Variants in ALS2CL observed in about 807,000 individuals in gnomAD.
ALS2CL encodes ALS2 C-terminal-like protein.
In ALS2CL, 112 loss-of-function variants were observed where a neutral mutation model predicts 127.9. That is an observed-to-expected ratio of 0.88 (90% confidence interval 0.75 to 1.02). The LOEUF (loss-of-function observed/expected upper bound fraction) is 1.02. Ranked by LOEUF, ALS2CL falls within the 50% of genes least tolerant of loss-of-function variation. The pLI is 0.00. For missense variants in ALS2CL, 1,174 were observed against 1,236.7 expected, an observed-to-expected ratio of 0.95 and a Z score of 0.76; for synonymous variants, 519 against 527.6, an observed-to-expected ratio of 0.98 and a Z score of 0.22.
At position 46,670,776 on chromosome 3, in the gene ALS2CL, A is replaced by G. The variant is rs1698320653; in HGVS notation, c.*208T>C. 3.7e-6 allele frequency: 2 copies of G among 547,868 alleles called. No individual in the cohort carries two copies. Among genetic ancestry groups the G allele is most frequent in the Admixed American group, 3.1e-5 (1 of 32,644 alleles). 33.9% of individuals were successfully genotyped at this position (547,868 alleles called of 1,614,324 possible). ...GGTCATTGAAGATGGGCTAGTGGCC[A>G]AGGGAAAACCACCACATCCAGGGCC... On this transcript the variant is annotated 3_prime_UTR_variant, in exon 26 of 26. Coordinates refer to ENST00000318962, the MANE Select transcript of ALS2CL (RefSeq NM_147129.5). This position sits in a 1 kb window ranked among gnomAD's most constrained non-coding sequence, Gnocchi z 5.5.
intron 19 of ALS2CL, chr3:46,675,958 G>C (rs1048748702): frequency 7.0e-7 from 1 of 1,422,450 alleles, no homozygotes; most frequent in African/African-American, 1.4e-5. Flanking sequence ...TGTGTTCCGA[G>C]TCCAGGGCCA....
chr3:46,677,321 G>A lies in ALS2CL; in HGVS notation c.1758-299C>T, dbSNP rs1338132385. 9.7e-6 allele frequency: 12 copies of A among 1,237,474 alleles called. 1 individual carries two copies. The highest frequency in any genetic ancestry group is 8.2e-5 in the Admixed American group (2 of 24,348). 76.7% of individuals were successfully genotyped at this position (1,237,474 alleles called of 1,614,324 possible). On this transcript the variant is annotated intron_variant, in intron 16 of 25. Coordinates refer to ENST00000318962, the MANE Select transcript of ALS2CL (RefSeq NM_147129.5). ...ATCTGGAGGCCAAGCCAGAGAGGGG[G>A]TCTTGGTCCAAGAGAGACCAGTGTC...
At chr3:46,680,173 T>C in intron 14 of ALS2CL, 1 of 490,328 alleles carries the variant, frequency 2.0e-6, no homozygotes, top group Middle Eastern at 5.5e-4. Flanking sequence ...CCATTCTTGT[T>C]AGTTCATTGA....
At chr3:46,678,716 C>T (rs1214595069) in intron 15 of ALS2CL, among the ~76,000 whole-genome samples, 2 of 152,250 alleles carry the variant, frequency 1.3e-5, no homozygotes, top group East Asian at 1.9e-4. Context: ...GGACAGGCAA[C>T]GCCTGAGGAG....
intron 1 of ALS2CL, among the ~76,000 whole-genome samples, chr3:46,691,413 C>T (rs1700144671): frequency 6.6e-6 from 1 of 152,062 alleles, no homozygotes; most frequent in Non-Finnish European, 1.5e-5. Context: ...GCTAGGAAGA[C>T]TTGAACACCA....
chr3:46,674,781 G>A (rs1698679319), intron 20 of ALS2CL, 42 bp from the exon 21 acceptor site: 1 of 1,527,324 alleles, frequency 6.5e-7, no homozygotes, highest in Admixed American at 2.2e-5. Context: ...GCAAGGTGGG[G>A]TCTGGGATTA....
chr3:46,676,094 T>C, intron 19 of ALS2CL, 151 bp downstream of exon 19: 28 of 1,382,676 alleles, frequency 2.0e-5, no homozygotes, highest in Non-Finnish European at 2.7e-5. Flanking sequence ...CCTCTAACCC[T>C]TTTGCTCAGC....
intron 6 of ALS2CL, 93 bp from the exon 7 acceptor site, chr3:46,685,737 T>C (rs1472298484): frequency 4.0e-6 from 6 of 1,497,888 alleles, no homozygotes; most frequent in Non-Finnish European, 5.4e-6. Context: ...CCCAGACACC[T>C]CCCAGAGGCC....
intron 16 of ALS2CL, 136 bp from the exon 17 acceptor site, chr3:46,677,158 G>A: frequency 6.9e-7 from 1 of 1,457,286 alleles, no homozygotes; most frequent in Non-Finnish European, 9.0e-7. Flanking sequence ...TGGATGGATT[G>A]AACCATGCAG....
intron 10 of ALS2CL, 81 bp downstream of exon 10, chr3:46,683,049 A>T: frequency 7.3e-7 from 1 of 1,376,018 alleles, no homozygotes; most frequent in Non-Finnish European, 9.7e-7. Flanking sequence ...ATGTCCTGAG[A>T]CAATTAGGCT....
chr3:46,680,377 C>G (rs985596149), intron 14 of ALS2CL, 53 bp downstream of exon 14: 6 of 1,558,436 alleles, frequency 3.9e-6, no homozygotes, highest in East Asian at 2.3e-5. Context: ...CTCAGTGCCC[C>G]CAGCGGGAGT....
chr3:46,673,731 GGGGAAGCGACACTGAGGTGGTGA>G (rs1225762430), intron 21 of ALS2CL, among the ~76,000 whole-genome samples: 35 of 152,308 alleles, frequency 2.3e-4, no homozygotes, highest in African/African-American at 8.2e-4. Context: ...AGGCTGGTGT[GGGGAAGCGACACTGAGGTGGTGA>G]GGGAGGCGGG....
chr3:46,671,119 T>G, intron 25 of ALS2CL, 55 bp from the exon 26 acceptor site: 2 of 1,546,404 alleles, frequency 1.3e-6, no homozygotes. Flanking sequence ...CCCAACCACA[T>G]GCACAGGATC....
rs1698294988 is a variant in ALS2CL at position 46,670,384 on chromosome 3, CACT to C, written c.*597_*599del. On this transcript the variant is annotated 3_prime_UTR_variant, in exon 26 of 26. Coordinates refer to ENST00000318962, the MANE Select transcript of ALS2CL (RefSeq NM_147129.5). The surrounding 1 kb of genome is among the most constrained non-coding windows in gnomAD (Gnocchi z 5.5). ...CATCACAGGAGAATGATTTACAAGC[CACT>C]TGGGGCCTGCTGGCAGTGAGGGTTT... is the stretch of plus-strand genomic sequence containing the variant. 6.5e-6 allele frequency: 1 copy of C among 153,596 alleles called. No individual in the cohort carries two copies. Among genetic ancestry groups the C allele is most frequent in the South Asian group, 2.0e-4 (1 of 4,888 alleles). The allele number at this position is 153,596 out of a possible 1,614,324, so 9.5% of individuals were successfully genotyped here.
At chr3:46,687,979 T>C in intron 3 of ALS2CL, 119 bp downstream of exon 3, 1 of 1,287,966 alleles carries the variant, frequency 7.8e-7, no homozygotes, top group Non-Finnish European at 1.1e-6. Flanking sequence ...AACCATGGAC[T>C]GAGCCCAAAC....
At chr3:46,675,504 A>G in intron 20 of ALS2CL, 114 bp downstream of exon 20, 10 of 977,860 alleles carry the variant, frequency 1.0e-5, no homozygotes, top group Non-Finnish European at 1.6e-5. Flanking sequence ...TGGTCAATAG[A>G]GTGAATGCCC....
At chr3:46,671,163 AC>A (rs1269534008) in intron 25 of ALS2CL, 99 bp from the exon 26 acceptor site, 8 of 1,297,514 alleles carry the variant, frequency 6.2e-6, no homozygotes, top group African/African-American at 2.9e-5. Context: ...CCACCTCCCA[AC>A]CCAGAGGAGG....
chr3:46,685,772 C>G (rs547080864), intron 6 of ALS2CL, 128 bp from the exon 7 acceptor site: 1 of 1,345,338 alleles, frequency 7.4e-7, no homozygotes, highest in African/African-American at 1.5e-5. Context: ...TGGAGCGGAC[C>G]CTGGGTCAGA....
At chr3:46,691,228 G>A (rs370727729) in intron 1 of ALS2CL, among the ~76,000 whole-genome samples, 5 of 152,200 alleles carry the variant, frequency 3.3e-5, no homozygotes, top group East Asian at 1.9e-4. Flanking sequence ...ATGGAAAGGC[G>A]CTTTGGGGGT....
Sources: allele counts gnomAD v4.1 joint callset (sites outside exome capture counted in the v4.1 genomes callset), GRCh38; gene constraint gnomAD v4.1.1; non-coding constraint Gnocchi (gnomAD v3.1); transcripts MANE v1.5; gene names NCBI Gene and HGNC (gene_info 2026-07-23, HGNC 2026-07-21).